The following NR5A2 variants were observed in gnomAD, a reference collection of about 807,000 sequenced individuals.
NR5A2 encodes nuclear receptor subfamily 5 group A member 2.
A neutral mutation model predicts 62.7 loss-of-function variants in NR5A2; 26 were observed. The ratio of observed to expected loss-of-function variants is 0.41; its 90% CI spans 0.30 to 0.58. The LOEUF (loss-of-function observed/expected upper bound fraction) is 0.58. Ranked by LOEUF, NR5A2 falls within the 20% of genes least tolerant of loss-of-function variation. The pLI is 0.22. For synonymous variants in NR5A2, 246 were observed against 241.7 expected, an observed-to-expected ratio of 1.02 and a Z score of -0.16; for missense variants, 541 against 669.1, an observed-to-expected ratio of 0.81 and a Z score of 2.11.
chr1:200,067,534 C>T (rs1052264312), intron 5 of NR5A2, among the ~76,000 whole-genome samples: 2 of 152,016 alleles, frequency 1.3e-5, no homozygotes, highest in Non-Finnish European at 2.9e-5. Flanking sequence ...CCAGCCTGGG[C>T]AACAAGAGTG....
chr1:200,061,275 CTTTTT>C (rs35232000), intron 5 of NR5A2, among the ~76,000 whole-genome samples: 1 of 122,868 alleles, frequency 8.1e-6, no homozygotes. Context: ...TCGGGATTAA[CTTTTT>C]TTTTTTTTTT....
At chr1:200,079,135 C>T (rs927024217) in intron 5 of NR5A2, among the ~76,000 whole-genome samples, 10 of 152,130 alleles carry the variant, frequency 6.6e-5, no homozygotes, top group African/African-American at 2.4e-4. Flanking sequence ...TTTTCTGTTT[C>T]ACCAGAACAA....
chr1:200,029,132 A>G (rs1233081393), intron 1 of NR5A2: 2 of 439,296 alleles, frequency 4.6e-6, no homozygotes, highest in East Asian at 8.8e-5. Context: ...GCAGGCAAGG[A>G]GTCCTTCCCG....
rs1654369752 is a variant in NR5A2, at chr1:200,175,346, T to C, written c.*1136T>C. ...ATGGAAATGGTGATTTTTACATGTG[T>C]CCTGGAAAGATATTAAAGTAATTCA... On this transcript the variant is annotated 3_prime_UTR_variant, in exon 8 of 8. Transcript: ENST00000367362. The C allele has an allele frequency of 6.6e-6, 1 of 152,556 alleles. No homozygotes were observed. Among genetic ancestry groups the C allele is most frequent in the Non-Finnish European group, 1.5e-5 (1 of 68,046 alleles). 9.5% of individuals were successfully genotyped at this position (152,556 alleles called of 1,614,324 possible). A position where few individuals can be genotyped will look rare whatever the true frequency, so the allele number is the denominator to read the frequency against.
intron 3 of NR5A2, chr1:200,044,410 G>A (rs996755024): frequency 6.6e-6 from 1 of 151,796 alleles, no homozygotes; most frequent in East Asian, 1.9e-4. Context: ...TAAAGACCAA[G>A]AAATCAGATT....
chr1:200,148,944 C>T (rs907734387), intron 7 of NR5A2, among the ~76,000 whole-genome samples: 41 of 142,686 alleles, frequency 2.9e-4, no homozygotes, highest in African/African-American at 9.0e-4. Context: ...AACCAAGTCT[C>T]GCTCTGTCAC....
Position 200,175,385 on chromosome 1 carries a change from G to C in NR5A2, c.*1175G>C, listed in dbSNP as rs1053897014. 1 of 152,648 alleles carries C rather than the reference G, an allele frequency of 6.6e-6. No homozygotes were observed. Among genetic ancestry groups the C allele is most frequent in the Non-Finnish European group, 1.5e-5 (1 of 68,048 alleles). 9.5% of individuals were successfully genotyped at this position (152,648 alleles called of 1,614,324 possible). A position where few individuals can be genotyped will look rare whatever the true frequency, so the allele number is the denominator to read the frequency against. ...TAAAGTAATTCAAATCTTCCCCAAAGGGGAAAGGAAGAGAGTGATACTGAC... is the reference window on the plus strand; with the variant it reads ...TAAAGTAATTCAAATCTTCCCCAAACGGGAAAGGAAGAGAGTGATACTGAC... On this transcript the variant is annotated 3_prime_UTR_variant, in exon 8 of 8. Transcript: ENST00000367362.
At position 200,048,722 on chromosome 1, in the gene NR5A2, G is replaced by T; in HGVS notation, c.1014G>T (p.Lys338Asn). 1 of 1,614,186 alleles carries T rather than the reference G, an allele frequency of 6.2e-7. No homozygotes were observed. The highest frequency in any genetic ancestry group is 8.5e-7 in the Non-Finnish European group (1 of 1,180,036). The part of the protein sequence containing the change: ...QEQANRSKHE[K>N]LSTFGLMCKM... ...AGGCTAACCGAAGCAAGCACGAAAA[G>T]CTGAGCACCTTTGGGCTTATGTGCA... Residue 338 changes from lysine to asparagine, a missense_variant, in exon 5 of 8, where the codon AAG (lysine) becomes AAT (asparagine). Lys to Asn is a moderately conservative substitution (Grantham distance 94). Transcript: ENST00000367362. The surrounding 1 kb of genome is among the most constrained non-coding windows in gnomAD (Gnocchi z 4.8).
chr1:200,123,089 T>C (rs1396121958), intron 7 of NR5A2, among the ~76,000 whole-genome samples: 1 of 152,166 alleles, frequency 6.6e-6, no homozygotes, highest in Non-Finnish European at 1.5e-5. Flanking sequence ...TGGTACCTGC[T>C]GTCCCAGATG....
intron 3 of NR5A2, among the ~76,000 whole-genome samples, chr1:200,044,937 C>T (rs1320559840): frequency 6.6e-6 from 1 of 151,102 alleles, no homozygotes; most frequent in Non-Finnish European, 1.5e-5. Flanking sequence ...CCATTTTACT[C>T]TTTAAATCCT....
chr1:200,039,881 C>T lies in NR5A2; in HGVS notation c.202+86C>T, dbSNP rs1558097509. The T allele has an allele frequency of 8.3e-6, 12 of 1,450,092 alleles. No individual in the cohort carries two copies. The East Asian group carries it at 1.1e-4, about 14-fold the overall frequency. The allele number at this position is 1,450,092 out of a possible 1,614,324, so 89.8% of individuals were successfully genotyped here. On this transcript the variant is annotated intron_variant, in intron 2 of 7. Transcript: ENST00000367362. This position sits in a 1 kb window ranked among gnomAD's most constrained non-coding sequence, Gnocchi z 5.1. ...GCAGGCTTCAGCCTCCCGCCCCGCGCGGGCGCGGGAGTAGCCCCGCTGGGC... is the reference window on the plus strand; with the variant it reads ...GCAGGCTTCAGCCTCCCGCCCCGCGTGGGCGCGGGAGTAGCCCCGCTGGGC...
intron 2 of NR5A2, among the ~76,000 whole-genome samples, chr1:200,041,354 C>T (rs916066883): frequency 6.6e-6 from 1 of 152,134 alleles, no homozygotes; most frequent in African/African-American, 2.4e-5. Context: ...GCTCAGAAGT[C>T]GCCACTCACT....
chr1:200,050,606 T>C (rs1662585399), intron 5 of NR5A2, among the ~76,000 whole-genome samples: 1 of 152,166 alleles, frequency 6.6e-6, no homozygotes, highest in Non-Finnish European at 1.5e-5. Flanking sequence ...TTGATATTAC[T>C]GGGGCCGGGT....
At chr1:200,172,952 G>A (rs1654248864) in intron 7 of NR5A2, among the ~76,000 whole-genome samples, 1 of 152,134 alleles carries the variant, frequency 6.6e-6, no homozygotes, top group Admixed American at 6.5e-5. Flanking sequence ...ACACACACAC[G>A]TATCTGTCTA....
chr1:200,140,579 G>A (rs1240996423), intron 7 of NR5A2, among the ~76,000 whole-genome samples: 1 of 152,020 alleles, frequency 6.6e-6, no homozygotes, highest in Non-Finnish European at 1.5e-5. Context: ...ATTTTATTTG[G>A]CTTTTCTTTA....
At chr1:200,054,792 C>A (rs944863116) in intron 5 of NR5A2, among the ~76,000 whole-genome samples, 1 of 152,138 alleles carries the variant, frequency 6.6e-6, no homozygotes, top group Non-Finnish European at 1.5e-5. Flanking sequence ...CATTCTAGAT[C>A]CTTTTTCCTA....
intron 5 of NR5A2, among the ~76,000 whole-genome samples, chr1:200,088,743 C>T (rs1664675422): frequency 6.6e-6 from 1 of 152,226 alleles, no homozygotes. Flanking sequence ...GGTGTTAACA[C>T]AGCCAATACT....
intron 5 of NR5A2, among the ~76,000 whole-genome samples, chr1:200,110,091 CCTCT>C (rs1484752666): frequency 1.3e-5 from 2 of 152,138 alleles, no homozygotes; most frequent in Non-Finnish European, 2.9e-5. Flanking sequence ...TACCCCTGAA[CCTCT>C]CTGACACCCC....
At chr1:200,096,771 T>C (rs1454202292) in intron 5 of NR5A2, among the ~76,000 whole-genome samples, 1 of 152,230 alleles carries the variant, frequency 6.6e-6, no homozygotes, top group Non-Finnish European at 1.5e-5. Flanking sequence ...GTATTTTTAC[T>C]GCCCATTTTC....
Sources: allele counts gnomAD v4.1 joint callset (sites outside exome capture counted in the v4.1 genomes callset), GRCh38; gene constraint gnomAD v4.1.1; non-coding constraint Gnocchi (gnomAD v3.1); transcripts MANE v1.5; gene names NCBI Gene and HGNC (gene_info 2026-07-23, HGNC 2026-07-21).